TMPRSS11D: variants seen among roughly 807,000 people sequenced by gnomAD.
TMPRSS11D encodes transmembrane serine protease 11D.
A neutral mutation model predicts 44.4 loss-of-function variants in TMPRSS11D; 32 were observed. The ratio of observed to expected loss-of-function variants is 0.72; its 90% CI spans 0.54 to 0.97. The LOEUF (loss-of-function observed/expected upper bound fraction) is 0.97, where lower values mean the gene tolerates loss of function less well. Ranked by LOEUF, TMPRSS11D falls within the 50% of genes least tolerant of loss-of-function variation. The pLI is 0.00. For missense variants in TMPRSS11D, 446 were observed against 502.6 expected (o/e 0.89, Z 1.08); for synonymous variants, 179 against 177.9 (o/e 1.01, Z -0.05).
chr4:67,843,871 C>T (rs532660740), intron 3 of TMPRSS11D, among the ~76,000 whole-genome samples: 13 of 152,144 alleles, frequency 8.5e-5, no homozygotes, highest in Non-Finnish European at 1.5e-4. Context: ...TGCAGTGAGC[C>T]GAGATCATGC....
intron 2 of TMPRSS11D, among the ~76,000 whole-genome samples, chr4:67,858,258 G>A (rs1024528647): frequency 6.6e-5 from 10 of 152,168 alleles, no homozygotes; most frequent in African/African-American, 2.4e-4. Flanking sequence ...GTTTGTAGTG[G>A]AAGATCAAGT....
chr4:67,863,472 A>G (rs1329825058), intron 1 of TMPRSS11D, among the ~76,000 whole-genome samples: 3 of 152,052 alleles, frequency 2.0e-5, no homozygotes, highest in African/African-American at 7.2e-5. Flanking sequence ...AAACATGATC[A>G]TTTCTTATTT....
rs546132831 is a variant in TMPRSS11D at position 67,834,541 on chromosome 4, T to C, written c.514+542A>G. 3.0e-4 allele frequency among the ~76,000 whole-genome samples: 45 copies of C among 152,264 alleles called. No homozygotes were observed. The South Asian group carries it at 9.1e-3, about 31-fold the overall frequency. ...TTTTGGTCAGAGAAGTAAGTTGCTGTTTTCTAGGGATTGCATTTCTGCTAT... is the reference window on the plus strand; with the variant it reads ...TTTTGGTCAGAGAAGTAAGTTGCTGCTTTCTAGGGATTGCATTTCTGCTAT... On this transcript the variant is annotated intron_variant, in intron 6 of 9. Coordinates refer to ENST00000283916, the MANE Select transcript of TMPRSS11D (RefSeq NM_004262.3).
At chr4:67,883,091 A>G (rs1719360397) in intron 1 of TMPRSS11D, among the ~76,000 whole-genome samples, 1 of 151,908 alleles carries the variant, frequency 6.6e-6, no homozygotes, top group Non-Finnish European at 1.5e-5. Context: ...TTTTGATTGA[A>G]TTTTCCAATG....
At chr4:67,842,414 TGG>T in intron 4 of TMPRSS11D, 142 bp downstream of exon 4, 2 of 738,864 alleles carry the variant, frequency 2.7e-6, no homozygotes, top group Admixed American at 2.8e-5. Flanking sequence ...TTTTTGGCAT[TGG>T]TTTTTAAGCT....
chr4:67,829,692 AT>A (rs1717898308), intron 7 of TMPRSS11D, among the ~76,000 whole-genome samples: 1 of 152,052 alleles, frequency 6.6e-6, no homozygotes, highest in Non-Finnish European at 1.5e-5. Flanking sequence ...CAGAAAAACC[AT>A]TGTAAAATAG....
Position 67,838,229 on chromosome 4 carries a change from G to T in TMPRSS11D, c.418C>A (p.Arg140=). ...SMKSRIESVL[R]QMLNNSGNLE... ...TTTCCAGAGTTATTCAGCATTTGTC[G>T]TAAAACAGACTCAATTCTGCTTTTC... The change falls in exon 5 of 10, where the codon CGA becomes AGA. Residue 140 remains arginine, a synonymous_variant. Coordinates refer to ENST00000283916, the MANE Select transcript of TMPRSS11D (RefSeq NM_004262.3). The T allele has an allele frequency of 6.3e-7, 1 of 1,596,918 alleles. No homozygotes were observed. Among genetic ancestry groups the T allele is most frequent in the South Asian group, 1.1e-5 (1 of 87,698 alleles).
intron 1 of TMPRSS11D, among the ~76,000 whole-genome samples, chr4:67,872,852 T>C (rs888270571): frequency 6.6e-6 from 1 of 152,208 alleles, no homozygotes; most frequent in Non-Finnish European, 1.5e-5. Flanking sequence ...TTACACATAA[T>C]GGTTAAAACA....
intron 1 of TMPRSS11D, among the ~76,000 whole-genome samples, chr4:67,866,567 T>A (rs1221296381): frequency 1.3e-5 from 2 of 151,892 alleles, no homozygotes; most frequent in Non-Finnish European, 2.9e-5. Context: ...ACTGACAATA[T>A]GATCTTATAC....
chr4:67,854,227 A>G (rs545215202), intron 2 of TMPRSS11D, 41 bp from the exon 3 acceptor site: 3 of 1,049,086 alleles, frequency 2.9e-6, no homozygotes, highest in African/African-American at 3.2e-5. Flanking sequence ...TTACTTTACT[A>G]AGTTGTTGAA....
intron 7 of TMPRSS11D, among the ~76,000 whole-genome samples, chr4:67,828,046 G>T: frequency 1.7e-5 from 1 of 60,482 alleles, no homozygotes; most frequent in Non-Finnish European, 4.5e-5. Context: ...GTGTGTGTGT[G>T]TGTGTGTGTG....
chr4:67,847,815 A>G (rs561159313), intron 3 of TMPRSS11D, among the ~76,000 whole-genome samples: 1 of 152,336 alleles, frequency 6.6e-6, no homozygotes, highest in Admixed American at 6.5e-5. Context: ...ATTTTATTTC[A>G]GCACTCCAAT....
intron 7 of TMPRSS11D, among the ~76,000 whole-genome samples, chr4:67,832,554 A>G (rs1237918784): frequency 3.3e-5 from 5 of 151,710 alleles, no homozygotes; most frequent in African/African-American, 1.2e-4. Flanking sequence ...GCCTACATTA[A>G]TTTTATTTAT....
chr4:67,842,664 C>A (rs1427337198), intron 3 of TMPRSS11D, 39 bp from the exon 4 acceptor site: 1 of 1,549,808 alleles, frequency 6.5e-7, no homozygotes, highest in Non-Finnish European at 8.9e-7. Flanking sequence ...TCTGTAAATA[C>A]AGTTCTTCTT....
At chr4:67,842,114 C>T (rs974333) in intron 4 of TMPRSS11D, among the ~76,000 whole-genome samples, 104,539 of 152,086 alleles carry the variant, frequency 0.69, 39,385 homozygotes, top group Middle Eastern at 0.83. Flanking sequence ...GGCCATAATA[C>T]CCTTTTATTA....
intron 2 of TMPRSS11D, among the ~76,000 whole-genome samples, chr4:67,857,580 A>G (rs1278108083): frequency 6.6e-6 from 1 of 151,982 alleles, no homozygotes. Flanking sequence ...CAACAAAGTG[A>G]GACCCCATCT....
At chr4:67,837,225 G>A (rs1322391204) in intron 5 of TMPRSS11D, among the ~76,000 whole-genome samples, 1 of 152,146 alleles carries the variant, frequency 6.6e-6, no homozygotes, top group Non-Finnish European at 1.5e-5. Context: ...ATGTGTGGAA[G>A]CAGAGGTAAT....
chr4:67,828,838 G>A (rs1473410851), intron 7 of TMPRSS11D, among the ~76,000 whole-genome samples: 2 of 152,106 alleles, frequency 1.3e-5, no homozygotes, highest in East Asian at 3.9e-4. Flanking sequence ...CAAAAGTCAT[G>A]ACAACAGACA....
chr4:67,826,987 T>C (rs535118548), intron 8 of TMPRSS11D, among the ~76,000 whole-genome samples: 7 of 152,240 alleles, frequency 4.6e-5, no homozygotes, highest in Non-Finnish European at 5.9e-5. Context: ...TTGAATCTTA[T>C]AGAATCTCTG....
Sources: allele counts gnomAD v4.1 joint callset (sites outside exome capture counted in the v4.1 genomes callset), GRCh38; gene constraint gnomAD v4.1.1; transcripts MANE v1.5; gene names NCBI Gene and HGNC (gene_info 2026-07-23, HGNC 2026-07-21).